Variants in SEMA3D observed in about 807,000 individuals in gnomAD.
The protein encoded by SEMA3D is semaphorin-3D.
SEMA3D carries 84 observed loss-of-function variants against 100.1 expected under a neutral mutation model. The ratio of observed to expected loss-of-function variants is 0.84; its 90% CI spans 0.70 to 1.01. The LOEUF (loss-of-function observed/expected upper bound fraction) is 1.01, where lower values mean the gene tolerates loss of function less well. Among genes scored for constraint, SEMA3D ranks in the 50% least tolerant of loss-of-function variants. The probability of loss-of-function intolerance (pLI) is 0.00; values close to 1 mark genes in which losing one functional copy is unlikely to be tolerated. For synonymous variants in SEMA3D, 312 were observed against 320.7 expected, an observed-to-expected ratio of 0.97 and a Z score of 0.29; for missense variants, 875 against 934.1, an observed-to-expected ratio of 0.94 and a Z score of 0.82.
In SEMA3D at chr7:85,022,595, C is replaced by G. The variant is rs1314518699; in HGVS notation, c.1210G>C (p.Asp404His). Residue 404 changes from aspartate to histidine, a missense_variant, in exon 13 of 19, where the codon GAC becomes CAC. Asp to His is a moderately conservative substitution (Grantham distance 81). Coordinates refer to ENST00000284136, the MANE Select transcript of SEMA3D (RefSeq NM_001384900.1). ...RPGTCPSKTYDPLIKSTRDFP... is the reference protein window; with the variant it reads ...RPGTCPSKTYHPLIKSTRDFP... ...TCTCGGGTGGACTTAATCAGTGGGTCATAGGTTTTGCTTGGACACTGAAAA... is the reference window on the plus strand; with the variant it reads ...TCTCGGGTGGACTTAATCAGTGGGTGATAGGTTTTGCTTGGACACTGAAAA... 2 of 1,611,224 alleles carry G rather than the reference C, an allele frequency of 1.2e-6. No homozygotes were observed. Among genetic ancestry groups the G allele is most frequent in the Admixed American group, 1.7e-5 (1 of 59,838 alleles).
chr7:85,178,595 TA>T (rs1791305798), intron 1 of SEMA3D, among the ~76,000 whole-genome samples: 1 of 152,078 alleles, frequency 6.6e-6, no homozygotes. Context: ...AAAAAATTTC[TA>T]ACTGGCAAAG....
intron 11 of SEMA3D, among the ~76,000 whole-genome samples, chr7:85,038,643 CGTGCCTTGT>C (rs1255962467): frequency 2.4e-4 from 37 of 152,172 alleles, no homozygotes; most frequent in African/African-American, 8.7e-4. Flanking sequence ...GGCACATATC[CGTGCCTTGT>C]GTGTGGAGCA....
In SEMA3D at chr7:85,068,183, G is replaced by C; in HGVS notation, c.589+8C>G. On this transcript the variant is annotated splice_region_variant and intron_variant, in intron 7 of 18. Coordinates refer to ENST00000284136, the MANE Select transcript of SEMA3D (RefSeq NM_001384900.1). ...TTAAGGATAAGAACTGCCTGTCATT[G>C]ATCTTACCTGTCATTACTGAAGCAA... 1 of 1,520,432 alleles carries C rather than the reference G, an allele frequency of 6.6e-7. No homozygotes were observed. The highest frequency in any genetic ancestry group is 9.1e-7 in the Non-Finnish European group (1 of 1,094,972). The allele number at this position is 1,520,432 out of a possible 1,614,324, so 94.2% of individuals were successfully genotyped here.
the SEMA3D span, among the ~76,000 whole-genome samples, chr7:85,237,580 T>G: frequency 6.6e-6 from 1 of 152,214 alleles, no homozygotes; most frequent in Non-Finnish European, 1.5e-5. Flanking sequence ...AAAAGGCATT[T>G]AAATTTCCTT....
intron 2 of SEMA3D, chr7:85,144,325 T>C (rs1463017571): frequency 6.7e-6 from 2 of 299,432 alleles, no homozygotes; most frequent in Non-Finnish European, 9.9e-6. Flanking sequence ...AAAAGTTTTC[T>C]GATAACTGAA....
chr7:85,193,783 A>C, the SEMA3D span, among the ~76,000 whole-genome samples: 1 of 152,186 alleles, frequency 6.6e-6, no homozygotes, highest in African/African-American at 2.4e-5. Flanking sequence ...TTACCACTAC[A>C]TTGCTAAAAT....
rs541702631 is a variant in SEMA3D at position 85,078,167 on chromosome 7, T to C, written c.375+3350A>G. ...TGTCACCAGTTATCTCTGGTTAGTG[T>C]TCATGGGGGAGAGGTATTTATAAAT... On this transcript the variant is annotated intron_variant, in intron 5 of 18. Transcript: ENST00000284136. Among the ~76,000 whole-genome samples, 11 of 152,272 alleles carry C rather than the reference T, an allele frequency of 7.2e-5. 1 individual carries two copies. Among genetic ancestry groups the C allele is most frequent in the Non-Finnish European group, 1.5e-5 (1 of 68,006 alleles).
At chr7:85,005,314 T>C (rs570162055) in intron 18 of SEMA3D, among the ~76,000 whole-genome samples, 1 of 152,136 alleles carries the variant, frequency 6.6e-6, no homozygotes, top group East Asian at 1.9e-4. Context: ...TAAATAATCA[T>C]TTCTGTATCA....
intron 4 of SEMA3D, among the ~76,000 whole-genome samples, chr7:85,084,760 T>C (rs373811207): frequency 6.6e-6 from 1 of 152,242 alleles, no homozygotes; most frequent in African/African-American, 2.4e-5. Context: ...TCTCCCACCT[T>C]CCACCCTCCA....
At chr7:85,175,931 C>T (rs1791211954) in intron 1 of SEMA3D, among the ~76,000 whole-genome samples, 2 of 151,992 alleles carry the variant, frequency 1.3e-5, no homozygotes, top group Non-Finnish European at 2.9e-5. Flanking sequence ...AATTCACTCT[C>T]TGGTGTGTAA....
chr7:85,237,772 G>C, the SEMA3D span, among the ~76,000 whole-genome samples: 7 of 152,168 alleles, frequency 4.6e-5, no homozygotes, highest in Middle Eastern at 3.2e-3. Flanking sequence ...TTGTGTGAGC[G>C]TAAGTTTTCA....
chr7:85,241,944 G>C, the SEMA3D span, among the ~76,000 whole-genome samples: 2 of 151,990 alleles, frequency 1.3e-5, no homozygotes, highest in South Asian at 2.1e-4. Context: ...GGAGAAAAGG[G>C]AACCGCTGTA....
At chr7:85,182,555 G>C (rs565981650) in intron 1 of SEMA3D, among the ~76,000 whole-genome samples, 1 of 152,244 alleles carries the variant, frequency 6.6e-6, no homozygotes, top group Non-Finnish European at 1.5e-5. Flanking sequence ...TACCTAGTAA[G>C]AGATCATAAC....
intron 2 of SEMA3D, among the ~76,000 whole-genome samples, chr7:85,123,367 A>T (rs1450534771): frequency 6.6e-6 from 1 of 152,176 alleles, no homozygotes; most frequent in Non-Finnish European, 1.5e-5. Flanking sequence ...TAAAAAAAGC[A>T]TTAGACTTTA....
chr7:85,043,725 G>A (rs909669835), intron 9 of SEMA3D, among the ~76,000 whole-genome samples: 1 of 152,014 alleles, frequency 6.6e-6, no homozygotes. Flanking sequence ...TGGGTCTCAC[G>A]AGATCTGATG....
chr7:85,241,813 A>G, the SEMA3D span, among the ~76,000 whole-genome samples: 1 of 151,822 alleles, frequency 6.6e-6, no homozygotes, highest in African/African-American at 2.4e-5. Flanking sequence ...TTTTCCAAAA[A>G]CCTATGGAAA....
At chr7:85,116,732 T>C (rs934187454) in intron 3 of SEMA3D, among the ~76,000 whole-genome samples, 10 of 152,130 alleles carry the variant, frequency 6.6e-5, no homozygotes, top group Non-Finnish European at 1.2e-4. Flanking sequence ...CTAGAAGTTT[T>C]AGTATCTGAG....
chr7:85,062,350 T>C lies in SEMA3D; in HGVS notation c.718+3074A>G, dbSNP rs560833540. ...GGAGATCAGTTAGTAAACAATAAAA[T>C]GGTGGCAATAAACCAGAGATGAGGT... On this transcript the variant is annotated intron_variant, in intron 8 of 18. Transcript: ENST00000284136. 9.6e-4 allele frequency among the ~76,000 whole-genome samples: 146 copies of C among 152,128 alleles called. 1 individual carries two copies. In the South Asian group the frequency reaches 0.029, roughly 30 times the overall value.
chr7:85,248,782 G>T, the SEMA3D span, among the ~76,000 whole-genome samples: 1 of 151,888 alleles, frequency 6.6e-6, no homozygotes, highest in African/African-American at 2.4e-5. Flanking sequence ...GCATAACTAT[G>T]GAAACGGTAA....
Sources: gnomAD v4.1 joint callset for allele counts (sites outside exome capture counted in the v4.1 genomes callset) on GRCh38, gnomAD v4.1.1 for gene constraint, MANE v1.5 for transcripts, NCBI Gene and HGNC (gene_info 2026-07-23, HGNC 2026-07-21) for gene names.